Variants in KAT6B observed in about 807,000 individuals in gnomAD.
KAT6B encodes histone acetyltransferase KAT6B.
KAT6B carries 10 observed loss-of-function variants against 187.5 expected under a neutral mutation model. The observed-to-expected ratio is 0.05, with a 90% CI of 0.03 to 0.09. KAT6B has a LOEUF of 0.09. Ranked by LOEUF, KAT6B falls within the 10% of genes least tolerant of loss-of-function variation. The pLI, the probability that KAT6B is intolerant of heterozygous loss-of-function variation, is 1.00. For synonymous variants in KAT6B, 861 were observed against 926.8 expected, an observed-to-expected ratio of 0.93 and a Z score of 1.29; for missense variants, 1,952 against 2,558.9, an observed-to-expected ratio of 0.76 and a Z score of 5.12.
At chr10:74,863,245 CTG>C (rs1477210108) in intron 3 of KAT6B, among the ~76,000 whole-genome samples, 4 of 152,096 alleles carry the variant, frequency 2.6e-5, no homozygotes, top group Admixed American at 6.5e-5. Flanking sequence ...AAAAAGAAGA[CTG>C]TGTGAGCTAT....
chr10:74,898,751 G>A (rs2132728118), intron 3 of KAT6B, among the ~76,000 whole-genome samples: 1 of 152,220 alleles, frequency 6.6e-6, no homozygotes, highest in East Asian at 1.9e-4. Flanking sequence ...AAGAAAGAAG[G>A]CTAAGACAGT....
intron 3 of KAT6B, among the ~76,000 whole-genome samples, chr10:74,947,142 G>C (rs1403481000): frequency 6.6e-6 from 1 of 152,016 alleles, no homozygotes; most frequent in Non-Finnish European, 1.5e-5. Context: ...GATTACAGCC[G>C]TGTGCTACCA....
At chr10:74,934,144 C>G (rs1002944616) in intron 3 of KAT6B, among the ~76,000 whole-genome samples, 1 of 142,074 alleles carries the variant, frequency 7.0e-6, no homozygotes, top group African/African-American at 2.8e-5. Flanking sequence ...CGAGATCGCA[C>G]CATTGCACTC....
At chr10:74,958,584 C>T (rs1238641790) in intron 3 of KAT6B, among the ~76,000 whole-genome samples, 5 of 152,266 alleles carry the variant, frequency 3.3e-5, no homozygotes, top group Admixed American at 6.5e-5. Flanking sequence ...TAGGCACTGT[C>T]AGCTATTCCT....
At chr10:74,856,496 T>C (rs1367108448) in intron 3 of KAT6B, among the ~76,000 whole-genome samples, 1 of 152,214 alleles carries the variant, frequency 6.6e-6, no homozygotes, top group East Asian at 1.9e-4. Context: ...CTGAAGACAT[T>C]GACATTTTTG....
intron 3 of KAT6B, among the ~76,000 whole-genome samples, chr10:74,856,607 G>C (rs1267443687): frequency 1.3e-5 from 2 of 152,056 alleles, no homozygotes; most frequent in Non-Finnish European, 2.9e-5. Flanking sequence ...GACAAGAATA[G>C]CGTGTGGGGG....
rs1312355388 is a variant in KAT6B at position 75,032,504 on chromosome 10, C to T, written c.*1458C>T. ...ATAAAACCATCACATATACCAAATA[C>T]CTATTTAATAAATTAATTTATAATG... On this transcript the variant is annotated 3_prime_UTR_variant, in exon 18 of 18. Coordinates refer to ENST00000287239, the MANE Select transcript of KAT6B (RefSeq NM_012330.4). The T allele has an allele frequency of 2.2e-5, 4 of 182,804 alleles. No individual in the cohort carries two copies. Among genetic ancestry groups the T allele is most frequent in the African/African-American group, 9.4e-5 (4 of 42,480 alleles). 11.3% of individuals were successfully genotyped at this position (182,804 alleles called of 1,614,324 possible).
intron 3 of KAT6B, among the ~76,000 whole-genome samples, chr10:74,856,111 AG>A (rs1225750759): frequency 5.3e-5 from 8 of 152,074 alleles, no homozygotes; most frequent in Non-Finnish European, 1.0e-4. Context: ...TTTGAGATGG[AG>A]TCTCGCTCTG....
intron 3 of KAT6B, among the ~76,000 whole-genome samples, chr10:74,856,214 C>A (rs1589482645): frequency 6.6e-6 from 1 of 152,100 alleles, no homozygotes; most frequent in Non-Finnish European, 1.5e-5. Flanking sequence ...GCCTCCCGAG[C>A]AGCTGGGACT....
intron 13 of KAT6B, among the ~76,000 whole-genome samples, chr10:74,995,018 C>T (rs1843338756): frequency 6.6e-6 from 1 of 152,120 alleles, no homozygotes; most frequent in Admixed American, 6.5e-5. Context: ...TCCAGATCTG[C>T]GCCACCATAC....
chr10:75,018,491 G>GGT (rs1435701064), intron 13 of KAT6B, among the ~76,000 whole-genome samples: 6 of 152,224 alleles, frequency 3.9e-5, no homozygotes, highest in African/African-American at 7.2e-5. Flanking sequence ...GCCCTGACAG[G>GGT]GTGTGTGTGC....
At chr10:74,889,796 TCTG>T (rs1380997990) in intron 3 of KAT6B, among the ~76,000 whole-genome samples, 2 of 152,238 alleles carry the variant, frequency 1.3e-5, no homozygotes, top group Non-Finnish European at 2.9e-5. Flanking sequence ...GGAGGCAGGC[TCTG>T]CTTGGATCCT....
chr10:74,856,064 A>C lies in KAT6B; in HGVS notation c.621+12586A>C, dbSNP rs77523341. ...TTAACTGACAGTCCATATTTCCCCA[A>C]ATGGCCCCAAAATCTCATTTATAAC... is the stretch of plus-strand genomic sequence containing the variant. On this transcript the variant is annotated intron_variant, in intron 3 of 17. Transcript: ENST00000287239. Among the ~76,000 whole-genome samples the C allele has an allele frequency of 2.0e-5, 3 of 152,164 alleles. No individual in the cohort carries two copies. In the East Asian group the frequency reaches 5.8e-4, roughly 29 times the overall value.
chr10:74,975,294 A>T, intron 7 of KAT6B, 105 bp from the exon 8 acceptor site: 1 of 910,816 alleles, frequency 1.1e-6, no homozygotes, highest in Non-Finnish European at 1.7e-6. Flanking sequence ...TACAGTTCTT[A>T]AGTTTAAGCC....
intron 13 of KAT6B, among the ~76,000 whole-genome samples, chr10:74,998,293 G>T (rs963440597): frequency 2.0e-5 from 3 of 152,050 alleles, no homozygotes; most frequent in African/African-American, 7.2e-5. Flanking sequence ...AGGGAAATCA[G>T]CATATTTTAA....
At chr10:74,881,972 G>A (rs1589540550) in intron 3 of KAT6B, among the ~76,000 whole-genome samples, 1 of 152,290 alleles carries the variant, frequency 6.6e-6, no homozygotes, top group South Asian at 2.1e-4. Context: ...TGGAGTTTTA[G>A]ACACCAGAGG....
At chr10:75,001,853 G>A (rs1339842282) in intron 13 of KAT6B, among the ~76,000 whole-genome samples, 6 of 152,154 alleles carry the variant, frequency 3.9e-5, no homozygotes, top group African/African-American at 1.4e-4. Context: ...TCACCTGACT[G>A]TATTACGCCC....
At chr10:74,835,941 A>G (rs1037804160) in intron 1 of KAT6B, among the ~76,000 whole-genome samples, 4 of 152,214 alleles carry the variant, frequency 2.6e-5, no homozygotes, top group African/African-American at 9.6e-5. Flanking sequence ...AAACATTTTT[A>G]TTGATCCCAA....
intron 3 of KAT6B, among the ~76,000 whole-genome samples, chr10:74,884,808 A>G (rs1403018576): frequency 1.3e-5 from 2 of 152,102 alleles, no homozygotes; most frequent in East Asian, 3.9e-4. Context: ...ACCTCAAATG[A>G]TCTGCCATCT....
Sources: gnomAD v4.1 joint callset for allele counts (sites outside exome capture counted in the v4.1 genomes callset) on GRCh38, gnomAD v4.1.1 for gene constraint, MANE v1.5 for transcripts, NCBI Gene and HGNC (gene_info 2026-07-23, HGNC 2026-07-21) for gene names.